RSU1: variants seen among roughly 807,000 people sequenced by gnomAD.
RSU1 encodes rsu-1.
RSU1 carries 26 observed loss-of-function variants against 31.1 expected under a neutral mutation model. The ratio of observed to expected loss-of-function variants is 0.84; its 90% CI spans 0.61 to 1.16. RSU1 has a LOEUF of 1.16. Ranked by LOEUF, RSU1 falls within the 50% of genes most tolerant of loss-of-function variation. The probability of loss-of-function intolerance (pLI) is 0.00; values close to 1 mark genes in which losing one functional copy is unlikely to be tolerated. For synonymous variants in RSU1, 164 were observed against 136.3 expected (o/e 1.20, Z -1.41); for missense variants, 320 against 339.1 (o/e 0.94, Z 0.44).
At chr10:16,764,882 C>CT (rs3841740) in intron 3 of RSU1, among the ~76,000 whole-genome samples, 8 of 149,732 alleles carry the variant, frequency 5.3e-5, no homozygotes, top group African/African-American at 2.0e-4. Flanking sequence ...CTAAGTGCAA[C>CT]TTTTTTTTTC....
chr10:16,659,585 T>C (rs776762411), intron 8 of RSU1, among the ~76,000 whole-genome samples: 18 of 152,164 alleles, frequency 1.2e-4, no homozygotes, highest in Non-Finnish European at 2.4e-4. Flanking sequence ...TTTATCCTGT[T>C]CCATTGGTCT....
Position 16,769,711 on chromosome 10 carries a change from A to G in RSU1, c.161-5201T>C, listed in dbSNP as rs1042402397. Among the ~76,000 whole-genome samples the G allele has an allele frequency of 2.6e-5, 4 of 152,242 alleles. 1 individual carries two copies. Among genetic ancestry groups the G allele is most frequent in the Admixed American group, 2.6e-4 (4 of 15,290 alleles). ...AGAAAACTTTTAATTCATTGGCAGC[A>G]TCACGATTATCAATCCAACACATAT... On this transcript the variant is annotated intron_variant, in intron 3 of 8. Coordinates refer to ENST00000345264, the MANE Select transcript of RSU1 (RefSeq NM_012425.4).
chr10:16,642,004 C>G (rs998545521), intron 8 of RSU1, among the ~76,000 whole-genome samples: 1 of 152,196 alleles, frequency 6.6e-6, no homozygotes, highest in African/African-American at 2.4e-5. Context: ...ATCTAAGATT[C>G]AGCTAACTTT....
intron 8 of RSU1, among the ~76,000 whole-genome samples, chr10:16,692,475 C>T (rs942901436): frequency 1.3e-5 from 2 of 152,056 alleles, no homozygotes; most frequent in East Asian, 3.9e-4. Context: ...CCTCTAATTC[C>T]AGATGGCTAG....
chr10:16,706,102 T>C (rs1291221801), intron 7 of RSU1, among the ~76,000 whole-genome samples: 1 of 152,238 alleles, frequency 6.6e-6, no homozygotes, highest in Non-Finnish European at 1.5e-5. Flanking sequence ...GCTATAAATA[T>C]GGCTGTACAC....
chr10:16,754,304 A>G (rs1459195702), intron 5 of RSU1, among the ~76,000 whole-genome samples: 1 of 152,192 alleles, frequency 6.6e-6, no homozygotes, highest in Non-Finnish European at 1.5e-5. Flanking sequence ...CATCTCCAGC[A>G]AGAAATTTGT....
At chr10:16,654,361 CAAAAAAAAA>C (rs536600415) in intron 8 of RSU1, among the ~76,000 whole-genome samples, 1 of 92,286 alleles carries the variant, frequency 1.1e-5, no homozygotes, top group Non-Finnish European at 2.3e-5. Flanking sequence ...CCTAAATTTG[CAAAAAAAAA>C]AAAAAAAAAA....
chr10:16,654,938 C>T (rs1175687777), intron 8 of RSU1, among the ~76,000 whole-genome samples: 6 of 151,486 alleles, frequency 4.0e-5, no homozygotes, highest in Admixed American at 3.9e-4. Context: ...GTGGCACGTG[C>T]CTGTAGCCCT....
chr10:16,683,744 C>T (rs925576783), intron 8 of RSU1, among the ~76,000 whole-genome samples: 6 of 152,088 alleles, frequency 3.9e-5, no homozygotes, highest in South Asian at 2.1e-4. Flanking sequence ...GTGGTTGGGG[C>T]GCAGCTTGGT....
intron 8 of RSU1, among the ~76,000 whole-genome samples, chr10:16,609,906 A>T (rs2131466938): frequency 6.6e-6 from 1 of 152,334 alleles, no homozygotes; most frequent in African/African-American, 2.4e-5. Context: ...CATATTCCAC[A>T]TATCTCTGCA....
intron 8 of RSU1, among the ~76,000 whole-genome samples, chr10:16,668,612 C>T (rs1276347318): frequency 6.6e-6 from 1 of 151,778 alleles, no homozygotes; most frequent in Non-Finnish European, 1.5e-5. Context: ...TTTTTTTTCC[C>T]CCCAAGTTTT....
At chr10:16,604,959 C>T (rs1833777291) in intron 8 of RSU1, among the ~76,000 whole-genome samples, 1 of 152,174 alleles carries the variant, frequency 6.6e-6, no homozygotes, top group Non-Finnish European at 1.5e-5. Flanking sequence ...CTGCTGGTAC[C>T]TTGTCCTAGC....
Position 16,695,168 on chromosome 10 carries a change from A to ACCCCCCCCCCCCC in RSU1, c.599-14_599-13insGGGGGGGGGGGGG. On this transcript the variant is annotated splice_polypyrimidine_tract_variant and intron_variant, in intron 7 of 8. Coordinates refer to ENST00000345264, the MANE Select transcript of RSU1 (RefSeq NM_012425.4). ...AAATCCAAGTTTCCTGGGGGGGGGG[A>ACCCCCCCCCCCCC]AAAAAAAAGTGAAGGTCACTTCATC... is the stretch of plus-strand genomic sequence containing the variant. The ACCCCCCCCCCCCC allele has an allele frequency of 8.7e-7, 1 of 1,146,434 alleles. No homozygotes were observed. Among genetic ancestry groups the ACCCCCCCCCCCCC allele is most frequent in the East Asian group, 3.1e-5 (1 of 32,708 alleles). 71.0% of individuals were successfully genotyped at this position (1,146,434 alleles called of 1,614,324 possible).
chr10:16,687,266 A>C (rs1410417085), intron 8 of RSU1, among the ~76,000 whole-genome samples: 1 of 152,154 alleles, frequency 6.6e-6, no homozygotes, highest in Non-Finnish European at 1.5e-5. Flanking sequence ...TGACCTTCAT[A>C]GGATTAGGGG....
rs1026879559 is a variant in RSU1, at chr10:16,593,079, T to A, written c.*315A>T. 9.1e-6 allele frequency: 2 copies of A among 220,180 alleles called. No individual in the cohort carries two copies. Among genetic ancestry groups the A allele is most frequent in the African/African-American group, 4.5e-5 (2 of 44,046 alleles). 13.6% of individuals were successfully genotyped at this position (220,180 alleles called of 1,614,324 possible). A position where few individuals can be genotyped will look rare whatever the true frequency, so the allele number is the denominator to read the frequency against. On this transcript the variant is annotated 3_prime_UTR_variant, in exon 9 of 9. Transcript: ENST00000345264. ...GGTTACATGATTTTAATTATTCTTT[T>A]GATAATAAGCAACCTTGTGATATCT...
intron 2 of RSU1, among the ~76,000 whole-genome samples, chr10:16,805,203 T>A (rs921455222): frequency 4.6e-5 from 7 of 151,184 alleles, no homozygotes; most frequent in Admixed American, 4.6e-4. Context: ...TGAGACTCCA[T>A]CTCAAATAAT....
At chr10:16,738,456 A>C (rs926191838) in intron 7 of RSU1, among the ~76,000 whole-genome samples, 1 of 152,234 alleles carries the variant, frequency 6.6e-6, no homozygotes, top group African/African-American at 2.4e-5. Flanking sequence ...GTCTCAAAAA[A>C]AAAGAAGAAA....
intron 7 of RSU1, among the ~76,000 whole-genome samples, chr10:16,706,282 T>A (rs1449703176): frequency 2.0e-5 from 3 of 152,238 alleles, no homozygotes; most frequent in Non-Finnish European, 4.4e-5. Context: ...AAATTTTTTA[T>A]AGTAACCACC....
intron 8 of RSU1, among the ~76,000 whole-genome samples, chr10:16,628,296 A>G (rs1382960176): frequency 1.3e-5 from 2 of 152,248 alleles, no homozygotes; most frequent in African/African-American, 4.8e-5. Flanking sequence ...ATATCAGCGC[A>G]TTATAAAATC....
Sources: gnomAD v4.1 joint callset for allele counts (sites outside exome capture counted in the v4.1 genomes callset) on GRCh38, gnomAD v4.1.1 for gene constraint, MANE v1.5 for transcripts, NCBI Gene and HGNC (gene_info 2026-07-23, HGNC 2026-07-21) for gene names.